The following SUPT16H variants were observed in gnomAD, a reference collection of about 807,000 sequenced individuals.
The protein encoded by SUPT16H is SPT16 homolog, facilitates chromatin remodeling subunit, also known as FACT complex subunit SPT16.
A neutral mutation model predicts 136.2 loss-of-function variants in SUPT16H; 24 were observed. The ratio of observed to expected loss-of-function variants is 0.18; its 90% CI spans 0.13 to 0.25. The LOEUF is 0.25. Among genes scored for constraint, SUPT16H ranks in the 10% least tolerant of loss-of-function variants. The pLI, the probability that SUPT16H is intolerant of heterozygous loss-of-function variation, is 1.00. For synonymous variants in SUPT16H, 415 were observed against 428.2 expected, an observed-to-expected ratio of 0.97 and a Z score of 0.38; for missense variants, 623 against 1,270.2, an observed-to-expected ratio of 0.49 and a Z score of 7.74.
chr14:21,371,906 C>T lies in SUPT16H; in HGVS notation c.298G>A (p.Ala100Thr). Residue 100 changes from alanine to threonine, a missense_variant, in exon 3 of 26, where the codon GCC becomes ACC. Coordinates refer to ENST00000216297, the MANE Select transcript of SUPT16H (RefSeq NM_007192.4). ...NTKGNENANGAPAITLLIREK... is the reference protein window; with the variant it reads ...NTKGNENANGTPAITLLIREK... ...CGTATTAGCAGTGTGATGGCAGGGGCTCCATTAGCATTCTCATTGCCCTTA... is the reference window on the plus strand; with the variant it reads ...CGTATTAGCAGTGTGATGGCAGGGGTTCCATTAGCATTCTCATTGCCCTTA... 1 of 1,614,052 alleles carries T rather than the reference C, an allele frequency of 6.2e-7. No homozygotes were observed. Among genetic ancestry groups the T allele is most frequent in the South Asian group, 1.1e-5 (1 of 91,072 alleles).
intron 22 of SUPT16H, among the ~76,000 whole-genome samples, chr14:21,355,843 C>A (rs1035366841): frequency 1.3e-5 from 2 of 152,168 alleles, no homozygotes; most frequent in Non-Finnish European, 2.9e-5. Context: ...CCACTTTAGA[C>A]AATATACACG....
intron 1 of SUPT16H, 67 bp downstream of exon 1, chr14:21,383,795 C>T: frequency 6.3e-7 from 1 of 1,580,232 alleles, no homozygotes; most frequent in Non-Finnish European, 8.7e-7. Flanking sequence ...AAAAGGGCGC[C>T]GAGAAACAGG....
chr14:21,374,211 G>A (rs1199562636), intron 1 of SUPT16H, among the ~76,000 whole-genome samples: 2 of 152,170 alleles, frequency 1.3e-5, no homozygotes, highest in Non-Finnish European at 2.9e-5. Flanking sequence ...TCAACAACAT[G>A]AAATCACAGA....
chr14:21,352,587 G>A lies in SUPT16H; in HGVS notation c.*86C>T, dbSNP rs1381140315. 47 of 1,587,590 alleles carry A rather than the reference G, an allele frequency of 3.0e-5. No homozygotes were observed. The highest frequency in any genetic ancestry group is 3.6e-5 in the Admixed American group (2 of 55,732). ...AAATGGCAAAACTTCAAATGAAAACGAAAGGAAAAATACAGTTTCTATGTC... is the reference window on the plus strand; with the variant it reads ...AAATGGCAAAACTTCAAATGAAAACAAAAGGAAAAATACAGTTTCTATGTC... On this transcript the variant is annotated 3_prime_UTR_variant, in exon 26 of 26. Transcript: ENST00000216297.
intron 19 of SUPT16H, among the ~76,000 whole-genome samples, chr14:21,359,081 A>C (rs528079613): frequency 2.7e-5 from 4 of 148,022 alleles, no homozygotes; most frequent in Admixed American, 6.8e-5. Flanking sequence ...CTGGGATTAT[A>C]GGCGTGAGCC....
Position 21,352,532 on chromosome 14 carries a change from A to G in SUPT16H, c.*141T>C. 7.3e-7 allele frequency: 1 copy of G among 1,379,006 alleles called. No homozygotes were observed. The highest frequency in any genetic ancestry group is 9.9e-7 in the Non-Finnish European group (1 of 1,011,476). 85.4% of individuals were successfully genotyped at this position (1,379,006 alleles called of 1,614,324 possible). ...TGGAATTCCCCGAGTAGATTGGTCC[A>G]CACAAATGGCCCCCTAAACCCATAA... On this transcript the variant is annotated 3_prime_UTR_variant, in exon 26 of 26. Coordinates refer to ENST00000216297, the MANE Select transcript of SUPT16H (RefSeq NM_007192.4).
intron 6 of SUPT16H, 77 bp downstream of exon 6, chr14:21,369,126 CA>C: frequency 6.6e-7 from 1 of 1,511,666 alleles, no homozygotes. Context: ...GTGTACCCCA[CA>C]AATTTGTACA....
intron 18 of SUPT16H, among the ~76,000 whole-genome samples, 168 bp downstream of exon 18, chr14:21,360,247 C>T (rs1886522669): frequency 1.3e-5 from 2 of 152,048 alleles, no homozygotes; most frequent in African/African-American, 2.4e-5. Flanking sequence ...AGGCTGGTGT[C>T]GAACTCCCGA....
rs1886333824 is a variant in SUPT16H at position 21,352,498 on chromosome 14, T to C, written c.*175A>G. On this transcript the variant is annotated 3_prime_UTR_variant, in exon 26 of 26. Transcript: ENST00000216297. The stretch of plus-strand genomic sequence containing the variant: ...TGAATGGGGCCATTGGCACGTGTCC[T>C]GGTGGGCCTGGAATTCCCCGAGTAG... 11 of 1,010,018 alleles carry C rather than the reference T, an allele frequency of 1.1e-5. No individual in the cohort carries two copies. The Middle Eastern group carries it at 1.0e-3, about 92-fold the overall frequency. 62.6% of individuals were successfully genotyped at this position (1,010,018 alleles called of 1,614,324 possible).
chr14:21,369,880 A>G lies in SUPT16H; in HGVS notation c.500T>C (p.Val167Ala), dbSNP rs762735296. ...EGFDKIDISA[V>A]VAYTIAVKED... ...CTTTACAGCGATGGTATATGCCACA[A>G]CTGCACTGATATCTATCTGCAGTCA... Residue 167 changes from valine (V) to alanine (A), a missense_variant, in exon 5 of 26, where the codon GTT (valine) becomes GCT (alanine). Val to Ala is a moderately conservative substitution (Grantham distance 64, BLOSUM62 0). Around this residue, in one of 7 missense-constraint regions of SUPT16H, gnomAD observed 343 missense variants for 525.7 expected, o/e 0.65. Transcript: ENST00000216297. 1.2e-6 allele frequency: 2 copies of G among 1,614,128 alleles called. No individual in the cohort carries two copies. Among genetic ancestry groups the G allele is most frequent in the Non-Finnish European group, 1.7e-6 (2 of 1,179,992 alleles).
intron 1 of SUPT16H, among the ~76,000 whole-genome samples, chr14:21,374,406 C>A (rs1886855275): frequency 6.6e-6 from 1 of 152,176 alleles, no homozygotes; most frequent in African/African-American, 2.4e-5. Flanking sequence ...CAAAAGCATA[C>A]AATGTAATGA....
intron 1 of SUPT16H, among the ~76,000 whole-genome samples, chr14:21,376,756 A>G (rs1349236824): frequency 6.6e-6 from 1 of 152,258 alleles, no homozygotes; most frequent in Non-Finnish European, 1.5e-5. Flanking sequence ...AATGATTACC[A>G]TTATAAAATC....
intron 8 of SUPT16H, 81 bp downstream of exon 8, chr14:21,366,358 A>G: frequency 7.6e-7 from 1 of 1,321,958 alleles, no homozygotes; most frequent in African/African-American, 1.5e-5. Context: ...GAATCAATCA[A>G]TTAGCCTAAA....
rs199576369 is a variant in SUPT16H at position 21,357,280 on chromosome 14, G to A, written c.2577C>T (p.Ile859=). 1.6e-4 allele frequency: 251 copies of A among 1,613,164 alleles called. No homozygotes were observed. The highest frequency in any genetic ancestry group is 2.0e-4 in the Admixed American group (12 of 59,906). ...QFHLKNFDMV[I]VYKDYSKKVT... is the part of the protein sequence containing the mutation. ...CTTTCTTGCTGTAGTCCTTGTAGAC[G>A]ATTACCATATCAAAGTTCTTCAGGT... The change falls in exon 22 of 26, where the codon ATC becomes ATT. Residue 859 remains isoleucine, a synonymous_variant. Coordinates refer to ENST00000216297, the MANE Select transcript of SUPT16H (RefSeq NM_007192.4).
At chr14:21,362,432 T>A in intron 14 of SUPT16H, 108 bp from the exon 15 acceptor site, 1 of 1,037,198 alleles carries the variant, frequency 9.6e-7, no homozygotes, top group Non-Finnish European at 1.3e-6. Flanking sequence ...GCTCTTAACC[T>A]TAATCTAAAT....
chr14:21,379,565 T>C (rs149029024), intron 1 of SUPT16H, among the ~76,000 whole-genome samples: 9 of 152,106 alleles, frequency 5.9e-5, no homozygotes, highest in Admixed American at 2.6e-4. Context: ...TATTAAAAAG[T>C]TTCTTGGCCA....
chr14:21,373,853 C>T (rs1886840401), intron 1 of SUPT16H, among the ~76,000 whole-genome samples: 2 of 152,020 alleles, frequency 1.3e-5, no homozygotes, highest in African/African-American at 4.8e-5. Context: ...TCAGCCTCCC[C>T]AGTAGCTAGG....
intron 4 of SUPT16H, 62 bp from the exon 5 acceptor site, chr14:21,369,958 T>C: frequency 6.3e-7 from 1 of 1,575,332 alleles, no homozygotes; most frequent in Non-Finnish European, 8.7e-7. Context: ...TAAATGCATC[T>C]CTCCAATTTG....
rs1479314264 is a variant in SUPT16H, at chr14:21,370,688, A to T, written c.331-200T>A. 2.0e-5 allele frequency among the ~76,000 whole-genome samples: 3 copies of T among 152,232 alleles called. No individual in the cohort carries two copies. In the East Asian group the frequency reaches 5.8e-4, roughly 29 times the overall value. Reference sequence around the variant, plus strand: ...GAGCACAGTGGTGTGATCACAGCTTACTGCAACCTCGAACTCCCAAGTTCA... The same window carrying T: ...GAGCACAGTGGTGTGATCACAGCTTTCTGCAACCTCGAACTCCCAAGTTCA... On this transcript the variant is annotated intron_variant, in intron 3 of 25. Transcript: ENST00000216297.
Sources: gnomAD v4.1 joint callset for allele counts (sites outside exome capture counted in the v4.1 genomes callset) on GRCh38, gnomAD v4.1.1 for gene constraint, gnomAD v4.1.1 regional missense constraint, MANE v1.5 for transcripts, NCBI Gene and HGNC (gene_info 2026-07-23, HGNC 2026-07-21) for gene names.